Variants in PTPRM observed in about 807,000 individuals in gnomAD.
PTPRM encodes the protein receptor-type tyrosine-protein phosphatase mu.
PTPRM carries 47 observed loss-of-function variants against 186.7 expected under a neutral mutation model. The ratio of observed to expected loss-of-function variants is 0.25; its 90% CI spans 0.20 to 0.32. PTPRM has a LOEUF of 0.32. Ranked by LOEUF, PTPRM falls within the 10% of genes least tolerant of loss-of-function variation. The probability of loss-of-function intolerance (pLI) is 1.00; values close to 1 mark genes in which losing one functional copy is unlikely to be tolerated. For missense variants in PTPRM, 1,494 were observed against 1,865.0 expected, an observed-to-expected ratio of 0.80 and a Z score of 3.66; for synonymous variants, 668 against 674.9, an observed-to-expected ratio of 0.99 and a Z score of 0.16.
At chr18:8,274,499 T>C (rs2147662784) in intron 19 of PTPRM, among the ~76,000 whole-genome samples, 2 of 152,296 alleles carry the variant, frequency 1.3e-5, no homozygotes, top group East Asian at 3.9e-4. Flanking sequence ...ACTCCAAAAT[T>C]GTGTGAGTAG....
chr18:8,309,709 C>A (rs994247055), intron 20 of PTPRM, among the ~76,000 whole-genome samples: 5 of 151,966 alleles, frequency 3.3e-5, no homozygotes, highest in African/African-American at 1.2e-4. Context: ...GAGACAAGGT[C>A]TCTAAAAATA....
intron 10 of PTPRM, among the ~76,000 whole-genome samples, chr18:8,086,512 A>T (rs1217953640): frequency 2.0e-5 from 3 of 152,202 alleles, no homozygotes; most frequent in Non-Finnish European, 4.4e-5. Context: ...AGCAATAAAA[A>T]AATTGCATGA....
At chr18:7,924,522 A>G (rs1456290714) in intron 4 of PTPRM, among the ~76,000 whole-genome samples, 1 of 152,174 alleles carries the variant, frequency 6.6e-6, no homozygotes, top group African/African-American at 2.4e-5. Context: ...AAAGTTTTTT[A>G]TATGGTAACA....
At chr18:7,935,604 C>G (rs771715141) in intron 5 of PTPRM, among the ~76,000 whole-genome samples, 2 of 152,140 alleles carry the variant, frequency 1.3e-5, no homozygotes, top group Non-Finnish European at 2.9e-5. Context: ...GCCCCTTCCT[C>G]CATAGCAACC....
intron 1 of PTPRM, among the ~76,000 whole-genome samples, chr18:7,724,104 C>T (rs1237544799): frequency 1.3e-5 from 2 of 151,894 alleles, no homozygotes; most frequent in Non-Finnish European, 2.9e-5. Context: ...GGTGTAAACT[C>T]CTGGAGGAGA....
intron 15 of PTPRM, 74 bp from the exon 16 acceptor site, chr18:8,247,771 T>C (rs1170229958): frequency 9.4e-7 from 1 of 1,068,304 alleles, no homozygotes; most frequent in Non-Finnish European, 1.4e-6. Flanking sequence ...TCACCATGGG[T>C]GGTCTCAGAG....
chr18:7,762,329 G>A (rs1232265798), intron 1 of PTPRM, among the ~76,000 whole-genome samples: 2 of 152,002 alleles, frequency 1.3e-5, no homozygotes, highest in African/African-American at 4.8e-5. Context: ...GATGCTGGGG[G>A]AGGGGTGGGA....
intron 2 of PTPRM, among the ~76,000 whole-genome samples, chr18:7,875,018 C>T (rs1450194006): frequency 6.6e-6 from 1 of 151,988 alleles, no homozygotes; most frequent in African/African-American, 2.4e-5. Flanking sequence ...CATGGTGAAA[C>T]CCCGTCTCTA....
chr18:8,240,753 C>CGAGG (rs1187366884), intron 14 of PTPRM, among the ~76,000 whole-genome samples: 1 of 108,746 alleles, frequency 9.2e-6, no homozygotes, highest in Non-Finnish European at 1.8e-5. Flanking sequence ...TGGCAACCCG[C>CGAGG]GAGGGAGGGA....
intron 7 of PTPRM, among the ~76,000 whole-genome samples, chr18:7,982,218 A>G (rs1247741736): frequency 6.6e-6 from 1 of 151,782 alleles, no homozygotes; most frequent in African/African-American, 2.4e-5. Flanking sequence ...ACATTGTACA[A>G]CTGTACAAAA....
At chr18:8,207,211 C>A (rs2093943589) in intron 14 of PTPRM, among the ~76,000 whole-genome samples, 1 of 152,164 alleles carries the variant, frequency 6.6e-6, no homozygotes, top group African/African-American at 2.4e-5. Context: ...AAGGAGAGAT[C>A]TGGACTAGAG....
rs1424000905 is a variant in PTPRM at position 7,788,087 on chromosome 18, T to A, written c.196+13816T>A. ...CCTAGGCCATGCTAAGTGATGAGCATACCTCGATAAGTTACAGTTACAGGC... is the reference window on the plus strand; with the variant it reads ...CCTAGGCCATGCTAAGTGATGAGCAAACCTCGATAAGTTACAGTTACAGGC... On this transcript the variant is annotated intron_variant, in intron 2 of 32. Coordinates refer to ENST00000580170, the MANE Select transcript of PTPRM (RefSeq NM_001105244.2). 4.6e-5 allele frequency among the ~76,000 whole-genome samples: 7 copies of A among 152,200 alleles called. No individual in the cohort carries two copies. The East Asian group carries it at 1.3e-3, about 29-fold the overall frequency.
At chr18:8,380,775 A>C (rs117996226) in intron 29 of PTPRM, among the ~76,000 whole-genome samples, 5,262 of 152,296 alleles carry the variant, frequency 0.035, 141 homozygotes, top group East Asian at 0.089. Flanking sequence ...CGCAGAGCCA[A>C]AGCAGAATGA....
chr18:7,940,624 T>C (rs2052108524), intron 5 of PTPRM, among the ~76,000 whole-genome samples: 1 of 149,878 alleles, frequency 6.7e-6, no homozygotes, highest in African/African-American at 2.5e-5. Flanking sequence ...GGCACAGTGG[T>C]GCGGCCATGG....
At chr18:7,960,702 G>A (rs2053620487) in intron 7 of PTPRM, among the ~76,000 whole-genome samples, 1 of 151,872 alleles carries the variant, frequency 6.6e-6, no homozygotes, top group South Asian at 2.1e-4. Flanking sequence ...AGATTGCAGT[G>A]AGCTGTAATC....
chr18:7,583,730 C>T (rs982148787), intron 1 of PTPRM, among the ~76,000 whole-genome samples: 1 of 152,148 alleles, frequency 6.6e-6, no homozygotes, highest in East Asian at 1.9e-4. Flanking sequence ...GTTACAAATC[C>T]CGTAGATAGA....
Position 8,248,189 on chromosome 18 carries a change from C to A in PTPRM, c.2554+13C>A, listed in dbSNP as rs778318485. The A allele has an allele frequency of 6.6e-7, 1 of 1,525,786 alleles. No homozygotes were observed. The highest frequency in any genetic ancestry group is 1.7e-5 in the Admixed American group (1 of 59,862). 94.5% of individuals were successfully genotyped at this position (1,525,786 alleles called of 1,614,324 possible). A position where few individuals can be genotyped will look rare whatever the true frequency, so the allele number is the denominator to read the frequency against. ...ACTGCAATTTTAGGTGAGAACATTT[C>A]CCTTTACCACAGTTTATTGCAGGAG... On this transcript the variant is annotated intron_variant, in intron 17 of 32. Transcript: ENST00000580170.
chr18:7,804,133 C>T (rs539195782), intron 2 of PTPRM, among the ~76,000 whole-genome samples: 1 of 152,312 alleles, frequency 6.6e-6, no homozygotes, highest in Admixed American at 6.5e-5. Flanking sequence ...GATGCCATTG[C>T]TGCTCTCCTC....
chr18:8,114,588 C>T (rs1169956620), intron 12 of PTPRM, among the ~76,000 whole-genome samples: 2 of 152,150 alleles, frequency 1.3e-5, no homozygotes, highest in East Asian at 1.9e-4. Context: ...ATCACCTGGT[C>T]TAGAAATGCC....
Sources: allele counts gnomAD v4.1 joint callset (sites outside exome capture counted in the v4.1 genomes callset), GRCh38; gene constraint gnomAD v4.1.1; transcripts MANE v1.5; gene names NCBI Gene and HGNC (gene_info 2026-07-23, HGNC 2026-07-21).